CSMD2: variants seen among roughly 807,000 people sequenced by gnomAD.
CSMD2 encodes CUB and sushi domain-containing protein 2.
In CSMD2, 130 loss-of-function variants were observed where a neutral mutation model predicts 398.5. The ratio of observed to expected loss-of-function variants is 0.33; its 90% CI spans 0.28 to 0.38. CSMD2 has a LOEUF of 0.38. Ranked by LOEUF, CSMD2 falls within the 10% of genes least tolerant of loss-of-function variation. The pLI is 1.00. For synonymous variants in CSMD2, 1,828 were observed against 1,908.5 expected, an observed-to-expected ratio of 0.96 and a Z score of 1.10; for missense variants, 3,829 against 4,764.9, an observed-to-expected ratio of 0.80 and a Z score of 5.78.
intron 3 of CSMD2, among the ~76,000 whole-genome samples, chr1:33,966,898 G>A (rs953584493): frequency 1.3e-5 from 2 of 152,190 alleles, no homozygotes; most frequent in African/African-American, 4.8e-5. Flanking sequence ...CAACAGCTGG[G>A]AGCCACGTCA....
intron 1 of CSMD2, among the ~76,000 whole-genome samples, chr1:34,154,709 A>G (rs976072689): frequency 1.4e-5 from 2 of 147,850 alleles, no homozygotes; most frequent in African/African-American, 5.0e-5. Context: ...AACCCTACAC[A>G]TTTTATAAGG....
chr1:33,870,022 G>A (rs1238162971), intron 5 of CSMD2, among the ~76,000 whole-genome samples: 2 of 152,188 alleles, frequency 1.3e-5, no homozygotes, highest in African/African-American at 4.8e-5. Context: ...GGGCCACACA[G>A]CAGCATAGGA....
intron 44 of CSMD2, among the ~76,000 whole-genome samples, chr1:33,590,792 T>C (rs74066652): frequency 1.0e-3 from 159 of 152,144 alleles, no homozygotes; most frequent in Admixed American, 2.7e-3. Flanking sequence ...TGAGAGAGCA[T>C]AGCCAGATTC....
At chr1:33,808,352 A>G (rs1382608544) in intron 10 of CSMD2, among the ~76,000 whole-genome samples, 3 of 152,098 alleles carry the variant, frequency 2.0e-5, no homozygotes, top group African/African-American at 7.2e-5. Context: ...CTATGTGAAA[A>G]ATGACCATTT....
intron 3 of CSMD2, among the ~76,000 whole-genome samples, chr1:34,025,582 A>G (rs1444273582): frequency 6.6e-6 from 1 of 152,154 alleles, no homozygotes; most frequent in African/African-American, 2.4e-5. Context: ...GAGTACGTGT[A>G]CATGCATGTA....
chr1:33,567,493 A>ATATATATATATATATT, intron 53 of CSMD2, 100 bp downstream of exon 53: 1 of 779,736 alleles, frequency 1.3e-6, no homozygotes, highest in Non-Finnish European at 1.9e-6. Flanking sequence ...ATATATATAT[A>ATATATATATATATATT]TATTTAAAAC....
At chr1:33,666,475 G>T (rs1035649076) in intron 25 of CSMD2, among the ~76,000 whole-genome samples, 3 of 151,784 alleles carry the variant, frequency 2.0e-5, no homozygotes, top group Admixed American at 2.0e-4. Flanking sequence ...TTATGGTTTT[G>T]GTTCTATTGT....
At chr1:33,829,160 T>C (rs61772385) in intron 6 of CSMD2, among the ~76,000 whole-genome samples, 4,173 of 152,234 alleles carry the variant, frequency 0.027, 81 homozygotes, top group Middle Eastern at 0.051. Context: ...GTCACAGCTC[T>C]TTGGGCAAGG....
At chr1:33,832,171 A>G (rs1403088062) in intron 6 of CSMD2, among the ~76,000 whole-genome samples, 1 of 137,454 alleles carries the variant, frequency 7.3e-6, no homozygotes, top group Non-Finnish European at 1.5e-5. Context: ...CCTAATAGAC[A>G]TCTACAGAAC....
chr1:33,604,109 G>A (rs1054935121), intron 42 of CSMD2, among the ~76,000 whole-genome samples: 1 of 152,208 alleles, frequency 6.6e-6, no homozygotes, highest in African/African-American at 2.4e-5. Flanking sequence ...TTCTGAGGAG[G>A]AAGAACAGCT....
At chr1:34,055,564 A>G (rs1306795576) in intron 2 of CSMD2, among the ~76,000 whole-genome samples, 1 of 152,314 alleles carries the variant, frequency 6.6e-6, no homozygotes, top group East Asian at 1.9e-4. Flanking sequence ...TCAGGGAAAT[A>G]CTTACATTTA....
chr1:33,999,313 G>A (rs1191384109), intron 3 of CSMD2, among the ~76,000 whole-genome samples: 1 of 152,292 alleles, frequency 6.6e-6, no homozygotes, highest in African/African-American at 2.4e-5. Context: ...TGGCAGGCTG[G>A]ACAGCTTTGA....
chr1:34,021,125 G>A (rs1648815349), intron 3 of CSMD2, among the ~76,000 whole-genome samples: 1 of 152,144 alleles, frequency 6.6e-6, no homozygotes, highest in Admixed American at 6.5e-5. Flanking sequence ...CCAAAACAGT[G>A]GTTAATCACT....
At chr1:33,830,655 G>A (rs541271200) in intron 6 of CSMD2, among the ~76,000 whole-genome samples, 1 of 152,244 alleles carries the variant, frequency 6.6e-6, no homozygotes, top group Non-Finnish European at 1.5e-5. Flanking sequence ...AACAAAGCTG[G>A]ATGGAGAATG....
chr1:34,081,459 T>C (rs949248813), intron 2 of CSMD2, among the ~76,000 whole-genome samples: 6 of 149,170 alleles, frequency 4.0e-5, no homozygotes, highest in African/African-American at 1.5e-4. Flanking sequence ...TTCCATGGTC[T>C]CTCTCTGTTG....
intron 3 of CSMD2, among the ~76,000 whole-genome samples, chr1:33,983,046 T>A (rs1646226745): frequency 6.6e-6 from 1 of 152,146 alleles, no homozygotes; most frequent in South Asian, 2.1e-4. Context: ...GGGACCCAGC[T>A]GTCTACAGAT....
At chr1:33,619,851 T>G (rs1389477655) in intron 37 of CSMD2, among the ~76,000 whole-genome samples, 6 of 152,154 alleles carry the variant, frequency 3.9e-5, no homozygotes, top group Non-Finnish European at 7.3e-5. Flanking sequence ...GAGTTTCAAG[T>G]GTTTCACTTG....
At chr1:33,767,790 C>T (rs1372279) in intron 13 of CSMD2, among the ~76,000 whole-genome samples, 1 of 152,110 alleles carries the variant, frequency 6.6e-6, no homozygotes, top group African/African-American at 2.4e-5. Context: ...TTGCTTCATA[C>T]AGGTAACTCG....
In CSMD2 at chr1:33,864,816, G is replaced by A. The variant is rs61769900; in HGVS notation, c.921-17820C>T. On this transcript the variant is annotated intron_variant, in intron 5 of 70. Coordinates refer to ENST00000373381, the MANE Select transcript of CSMD2 (RefSeq NM_001281956.2). ...ATTTCCTGTTCCTGGTCTCATGTGT[G>A]GCATTAGAGTAGCTGTGACTGATGC... The A allele has an allele frequency of 8.8e-3, 12,094 of 1,378,994 alleles. 76 individuals carry two copies. Among genetic ancestry groups the A allele is most frequent in the Middle Eastern group, 9.8e-3 (53 of 5,418 alleles). 85.4% of individuals were successfully genotyped at this position (1,378,994 alleles called of 1,614,324 possible).
Sources: allele counts gnomAD v4.1 joint callset (sites outside exome capture counted in the v4.1 genomes callset), GRCh38; gene constraint gnomAD v4.1.1; transcripts MANE v1.5; gene names NCBI Gene and HGNC (gene_info 2026-07-23, HGNC 2026-07-21).